Variants in RNLS observed in about 807,000 individuals in gnomAD.
RNLS encodes the protein renalase, FAD dependent amine oxidase.
A neutral mutation model predicts 39.8 loss-of-function variants in RNLS; 39 were observed. The ratio of observed to expected loss-of-function variants is 0.98; its 90% CI spans 0.76 to 1.28. The LOEUF (loss-of-function observed/expected upper bound fraction) is 1.28. Ranked by LOEUF, RNLS falls within the 50% of genes most tolerant of loss-of-function variation. RNLS has a pLI of 0.00. For missense variants in RNLS, 410 were observed against 413.3 expected (o/e 0.99, Z 0.07); for synonymous variants, 147 against 150.7 (o/e 0.98, Z 0.18).
At chr10:88,483,491 G>C (rs1175937362) in intron 4 of RNLS, among the ~76,000 whole-genome samples, 1 of 152,010 alleles carries the variant, frequency 6.6e-6, no homozygotes, top group Non-Finnish European at 1.5e-5. Flanking sequence ...TGTTAACTGT[G>C]ATTTTTCAAT....
At chr10:88,561,970 T>C (rs1849216863) in intron 4 of RNLS, among the ~76,000 whole-genome samples, 1 of 152,176 alleles carries the variant, frequency 6.6e-6, no homozygotes, top group Non-Finnish European at 1.5e-5. Context: ...TGCAAATTAA[T>C]GCAAGAGCAA....
chr10:88,419,546 T>C (rs1854254148), intron 4 of RNLS, among the ~76,000 whole-genome samples: 1 of 152,246 alleles, frequency 6.6e-6, no homozygotes, highest in Non-Finnish European at 1.5e-5. Context: ...GTTTAATTCC[T>C]GTTTCTTTTT....
At chr10:88,566,161 T>C (rs1326683752) in intron 4 of RNLS, among the ~76,000 whole-genome samples, 3 of 152,122 alleles carry the variant, frequency 2.0e-5, no homozygotes, top group African/African-American at 7.2e-5. Flanking sequence ...ATGTTAATGT[T>C]TGTCAAATTA....
At chr10:88,190,791 G>T in the RNLS span, among the ~76,000 whole-genome samples, 1 of 152,094 alleles carries the variant, frequency 6.6e-6, no homozygotes, top group East Asian at 1.9e-4. Context: ...ATAGTTCATG[G>T]TCTGAAACAA....
chr10:88,508,165 A>G (rs552258087), intron 4 of RNLS, among the ~76,000 whole-genome samples: 1 of 152,246 alleles, frequency 6.6e-6, no homozygotes, highest in Admixed American at 6.6e-5. Context: ...ATTCTGATTG[A>G]CGAACAGCTT....
At chr10:88,438,104 C>A (rs1841512255) in intron 4 of RNLS, among the ~76,000 whole-genome samples, 1 of 134,456 alleles carries the variant, frequency 7.4e-6, no homozygotes, top group South Asian at 2.4e-4. Context: ...CCAGCCTGGG[C>A]AACAAGAGTG....
intron 4 of RNLS, among the ~76,000 whole-genome samples, chr10:88,439,785 C>A (rs1193000514): frequency 6.6e-6 from 1 of 152,226 alleles, no homozygotes; most frequent in African/African-American, 2.4e-5. Flanking sequence ...TAACACTCCA[C>A]ATCCAGGTCT....
At chr10:88,340,365 A>C (rs1251857731) in intron 5 of RNLS, among the ~76,000 whole-genome samples, 1 of 152,246 alleles carries the variant, frequency 6.6e-6, no homozygotes, top group African/African-American at 2.4e-5. Flanking sequence ...TTTGTGAGAC[A>C]GATCTCTCCT....
chr10:88,415,330 G>A (rs781419112), intron 4 of RNLS, among the ~76,000 whole-genome samples: 18 of 152,198 alleles, frequency 1.2e-4, no homozygotes, highest in Non-Finnish European at 4.4e-5. Context: ...GCATTTGAAA[G>A]AACTGGCATT....
At chr10:88,220,692 C>T in the RNLS span, among the ~76,000 whole-genome samples, 8,996 of 152,216 alleles carry the variant, frequency 0.059, 338 homozygotes, top group East Asian at 0.095. Flanking sequence ...CAGGGCTTCT[C>T]GCTCCTGCCC....
the RNLS span, among the ~76,000 whole-genome samples, chr10:88,206,903 G>A: frequency 1.3e-5 from 2 of 152,052 alleles, no homozygotes; most frequent in African/African-American, 4.8e-5. Context: ...GTTAAGCCAG[G>A]GACTCTTTAG....
chr10:88,325,474 G>A (rs764476623), intron 5 of RNLS, among the ~76,000 whole-genome samples: 3 of 152,100 alleles, frequency 2.0e-5, no homozygotes, highest in Non-Finnish European at 4.4e-5. Flanking sequence ...TGCTAATAGA[G>A]CACTAAGATT....
intron 4 of RNLS, among the ~76,000 whole-genome samples, chr10:88,452,749 G>T (rs997949124): frequency 6.6e-6 from 1 of 152,180 alleles, no homozygotes; most frequent in Admixed American, 6.5e-5. Flanking sequence ...AGTGAGAAGG[G>T]TCAACATCCT....
chr10:88,296,014 A>G (rs569932041), intron 6 of RNLS, among the ~76,000 whole-genome samples: 1 of 152,308 alleles, frequency 6.6e-6, no homozygotes, highest in East Asian at 1.9e-4. Flanking sequence ...TAGAGTTTTT[A>G]ATTTAATAGA....
the RNLS span, among the ~76,000 whole-genome samples, chr10:88,217,873 C>T: frequency 6.6e-6 from 1 of 151,858 alleles, no homozygotes; most frequent in African/African-American, 2.4e-5. Flanking sequence ...AAACCCATCT[C>T]TACTAAAAAT....
chr10:88,475,003 G>T (rs965316383), intron 4 of RNLS, among the ~76,000 whole-genome samples: 1 of 152,128 alleles, frequency 6.6e-6, no homozygotes, highest in Non-Finnish European at 1.5e-5. Context: ...CAAGATAGTG[G>T]ACTGCCATGT....
the RNLS span, among the ~76,000 whole-genome samples, chr10:88,188,781 T>C: frequency 2.6e-5 from 4 of 152,208 alleles, no homozygotes; most frequent in African/African-American, 7.2e-5. Flanking sequence ...ACAACATAAA[T>C]AAAAAGAACA....
chr10:88,474,604 A>G (rs1843705186), intron 4 of RNLS, among the ~76,000 whole-genome samples: 1 of 152,172 alleles, frequency 6.6e-6, no homozygotes, highest in Non-Finnish European at 1.5e-5. Context: ...TTTTCCTGGC[A>G]CTTTTGAGTA....
At position 88,451,285 on chromosome 10, in the gene RNLS, T is replaced by C. The variant is rs138618957; in HGVS notation, c.527-88560A>G. ...TCCTCCCATATCATGGAGACTGAGATAGAGGGAGTTTTATTCACCAGAATT... is the reference window on the plus strand; with the variant it reads ...TCCTCCCATATCATGGAGACTGAGACAGAGGGAGTTTTATTCACCAGAATT... On this transcript the variant is annotated intron_variant, in intron 4 of 6. Coordinates refer to ENST00000331772, the MANE Select transcript of RNLS (RefSeq NM_001031709.3). Among the ~76,000 whole-genome samples the C allele has an allele frequency of 4.5e-3, 684 of 152,218 alleles. 5 individuals carry two copies. The highest frequency in any genetic ancestry group is 8.2e-3 in the Non-Finnish European group (560 of 68,008).
Sources: gnomAD v4.1 joint callset for allele counts (sites outside exome capture counted in the v4.1 genomes callset) on GRCh38, gnomAD v4.1.1 for gene constraint, MANE v1.5 for transcripts, NCBI Gene and HGNC (gene_info 2026-07-23, HGNC 2026-07-21) for gene names.